Variants in GPSM3 observed in about 807,000 individuals in gnomAD.
GPSM3 encodes G protein signaling modulator 3, also known as G protein-signaling modulator 3.
Under a neutral mutation model 20.4 loss-of-function variants are expected in GPSM3, and 16 were observed. The observed-to-expected ratio is 0.78, with a 90% CI of 0.53 to 1.19. GPSM3 has a LOEUF of 1.19. GPSM3 is among the 50% of genes most tolerant of loss of function. The pLI is 0.00. For synonymous variants in GPSM3, 70 were observed against 79.6 expected (o/e 0.88, Z 0.64); for missense variants, 177 against 204.6 (o/e 0.86, Z 0.82).
At position 32,192,041 on chromosome 6, in the gene GPSM3, G is replaced by T. The variant is rs1787560020; in HGVS notation, c.145+107C>A. The T allele has an allele frequency of 1.6e-6, 2 of 1,250,296 alleles. No individual in the cohort carries two copies. Among genetic ancestry groups the T allele is most frequent in the South Asian group, 2.7e-5 (2 of 74,214 alleles). 77.5% of individuals were successfully genotyped at this position (1,250,296 alleles called of 1,614,324 possible). A position where few individuals can be genotyped will look rare whatever the true frequency, so the allele number is the denominator to read the frequency against. ...AGGGGGTGCAATGGGGAATCCCAAG[G>T]GGAGTCTGGAGGAGGTGGGGAGAGG... On this transcript the variant is annotated intron_variant, in intron 2 of 3. Transcript: ENST00000375040. This position sits in a 1 kb window ranked among gnomAD's most constrained non-coding sequence, Gnocchi z 5.1.
rs765799338 is a variant in GPSM3 at position 32,191,793 on chromosome 6, G to C, written c.261C>G (p.Pro87=). The C allele has an allele frequency of 1.7e-5, 28 of 1,612,398 alleles. No homozygotes were observed. The highest frequency in any genetic ancestry group is 2.4e-5 in the Non-Finnish European group (28 of 1,179,684). ...LEEQRATFYT[P]QNPSSLAPAP... ...CAGGGGCTAGGCTTGAGGGGTTTTGGGGGGTGTAGAAGGTGGCCCTCTGCT... is the reference window on the plus strand; with the variant it reads ...CAGGGGCTAGGCTTGAGGGGTTTTGCGGGGTGTAGAAGGTGGCCCTCTGCT... The change falls in exon 3 of 4, where the codon CCC becomes CCG. Residue 87 remains proline, a synonymous_variant. Coordinates refer to ENST00000375040, the MANE Select transcript of GPSM3 (RefSeq NM_001276501.2). The surrounding 1 kb of genome is among the most constrained non-coding windows in gnomAD (Gnocchi z 5.9).
At position 32,192,244 on chromosome 6, in the gene GPSM3, G is replaced by A. The variant is rs1004293066; in HGVS notation, c.49C>T (p.Pro17Ser). The change falls in exon 2 of 4, where the codon CCT becomes TCT. Residue 17 changes from proline to serine, a missense_variant. Coordinates refer to ENST00000375040, the MANE Select transcript of GPSM3 (RefSeq NM_001276501.2). The surrounding 1 kb of genome is among the most constrained non-coding windows in gnomAD (Gnocchi z 5.1). ...QEEEDGEQGP[P>S]QDEEGWPPPN... ...GGGGGCCAGCCTTCCTCATCCTGAG[G>A]GGGGCCCTGATGCCAAAATATGTCC... 4 of 1,522,394 alleles carry A rather than the reference G, an allele frequency of 2.6e-6. No individual in the cohort carries two copies. Among genetic ancestry groups the A allele is most frequent in the Non-Finnish European group, 3.5e-6 (4 of 1,135,338 alleles). 94.3% of individuals were successfully genotyped at this position (1,522,394 alleles called of 1,614,324 possible). A position where few individuals can be genotyped will look rare whatever the true frequency, so the allele number is the denominator to read the frequency against.
upstream of GPSM3, chr6:32,194,983 G>C (rs1787759812): frequency 4.2e-6 from 1 of 240,006 alleles, no homozygotes; most frequent in Non-Finnish European, 8.1e-6. This position sits in a 1 kb window ranked among gnomAD's most constrained non-coding sequence, Gnocchi z 4.5. Flanking sequence ...ATCAGCGGGG[G>C]TGGCCCTTGG....
In GPSM3 at chr6:32,191,152, G is replaced by C. The variant is rs1787481702; in HGVS notation, c.*214C>G. 1 of 545,846 alleles carries C rather than the reference G, an allele frequency of 1.8e-6. No homozygotes were observed. The highest frequency in any genetic ancestry group is 3.1e-6 in the Non-Finnish European group (1 of 322,830). The allele number at this position is 545,846 out of a possible 1,614,324, so 33.8% of individuals were successfully genotyped here. On this transcript the variant is annotated 3_prime_UTR_variant, in exon 4 of 4. Coordinates refer to ENST00000375040, the MANE Select transcript of GPSM3 (RefSeq NM_001276501.2). The surrounding 1 kb of genome is among the most constrained non-coding windows in gnomAD (Gnocchi z 5.9). ...TCAAGCTCCCATGGACCTGTGGGCG[G>C]GGAGTTAAATCCCTGTTCCATCTCG...
chr6:32,192,375 G>T lies in GPSM3; in HGVS notation c.42+97C>A. On this transcript the variant is annotated intron_variant, in intron 1 of 3. Coordinates refer to ENST00000375040, the MANE Select transcript of GPSM3 (RefSeq NM_001276501.2). The surrounding 1 kb of genome is among the most constrained non-coding windows in gnomAD (Gnocchi z 5.1). Reference sequence around the variant, plus strand: ...TCTGTTCCTGCCTCAGTTTGCCCAAGCCTTTCAAGGCCCCTGTGTCCCTAC... The same window carrying T: ...TCTGTTCCTGCCTCAGTTTGCCCAATCCTTTCAAGGCCCCTGTGTCCCTAC... The T allele has an allele frequency of 7.0e-7, 1 of 1,425,914 alleles. No homozygotes were observed. Among genetic ancestry groups the T allele is most frequent in the Non-Finnish European group, 9.6e-7 (1 of 1,039,934 alleles). 88.3% of individuals were successfully genotyped at this position (1,425,914 alleles called of 1,614,324 possible). A position where few individuals can be genotyped will look rare whatever the true frequency, so the allele number is the denominator to read the frequency against.
chr6:32,195,473 T>C (rs1787805111), upstream of GPSM3: 2 of 1,611,320 alleles, frequency 1.2e-6, no homozygotes, highest in Non-Finnish European at 1.7e-6. The surrounding 1 kb of genome is among the most constrained non-coding windows in gnomAD (Gnocchi z 5.4). Context: ...TTATGGGCAT[T>C]TCTTGGAGGG....
chr6:32,191,503 A>G lies in GPSM3; in HGVS notation c.346T>C (p.Cys116Arg). ...GACCGCTGGGCTTCCATCCGCTGGC[A>G]CTGGAGGAGTGGAGGGAGAGGGAGA... ...QLYSTILSHQ[C>R]QRMEAQRSEP... is the part of the protein sequence containing the mutation. The change falls in exon 4 of 4, where the codon TGC becomes CGC. Residue 116 changes from cysteine (C) to arginine (R), a missense_variant and splice_region_variant. Transcript: ENST00000375040. The surrounding 1 kb of genome is among the most constrained non-coding windows in gnomAD (Gnocchi z 5.9). 6.4e-7 allele frequency: 1 copy of G among 1,556,160 alleles called. No individual in the cohort carries two copies. The highest frequency in any genetic ancestry group is 8.7e-7 in the Non-Finnish European group (1 of 1,153,134).
chr6:32,191,184 C>T lies in GPSM3; in HGVS notation c.*182G>A, dbSNP rs373773951. The T allele has an allele frequency of 5.0e-4, 353 of 703,588 alleles. 8 individuals are homozygous for T. The South Asian group carries it at 7.7e-3, about 15-fold the overall frequency. The allele number at this position is 703,588 out of a possible 1,614,324, so 43.6% of individuals were successfully genotyped here. A position where few individuals can be genotyped will look rare whatever the true frequency, so the allele number is the denominator to read the frequency against. ...AAATCCCTGTTCCATCTCGCCTGTT[C>T]CCAGAGTTTGAGGACTTTCACCCTG... On this transcript the variant is annotated 3_prime_UTR_variant, in exon 4 of 4. Transcript: ENST00000375040. The surrounding 1 kb of genome is among the most constrained non-coding windows in gnomAD (Gnocchi z 5.9).
In GPSM3 at chr6:32,191,414, C is replaced by G. The variant is rs145686781; in HGVS notation, c.435G>C (p.Gly145=). The change falls in exon 4 of 4, where the codon GGG becomes GGC. Residue 145 remains glycine (G), a synonymous_variant. Transcript: ENST00000375040. The surrounding 1 kb of genome is among the most constrained non-coding windows in gnomAD (Gnocchi z 5.9). ...LLELLLRVQG[G]GRMEEQRSRP... Reference sequence around the variant, plus strand: ...GGGACCTTTGCTCCTCCATTCGACCCCCACCCTGAACTCTCAGCAGCAACT... The same window carrying G: ...GGGACCTTTGCTCCTCCATTCGACCGCCACCCTGAACTCTCAGCAGCAACT... The G allele has an allele frequency of 6.3e-7, 1 of 1,593,486 alleles. No homozygotes were observed. Among genetic ancestry groups the G allele is most frequent in the South Asian group, 1.1e-5 (1 of 88,544 alleles).
rs1787521949 is a variant in GPSM3, at chr6:32,191,639, T to C, written c.345+70A>G. ...TGGGGTGCCTAGGGAGAAACAGGAG[T>C]AGAGCCCCAAAGAGAACAGGGGCCA... is the stretch of plus-strand genomic sequence containing the variant. On this transcript the variant is annotated intron_variant, in intron 3 of 3. Transcript: ENST00000375040. The surrounding 1 kb of genome is among the most constrained non-coding windows in gnomAD (Gnocchi z 5.9). 2.0e-6 allele frequency: 3 copies of C among 1,479,384 alleles called. No homozygotes were observed. Among genetic ancestry groups the C allele is most frequent in the South Asian group, 1.3e-5 (1 of 76,784 alleles). 91.6% of individuals were successfully genotyped at this position (1,479,384 alleles called of 1,614,324 possible). A position where few individuals can be genotyped will look rare whatever the true frequency, so the allele number is the denominator to read the frequency against.
At position 32,191,659 on chromosome 6, in the gene GPSM3, GGGCCAAGAGACCAGGA is replaced by G; in HGVS notation, c.345+34_345+49del. On this transcript the variant is annotated intron_variant, in intron 3 of 3. Transcript: ENST00000375040. The surrounding 1 kb of genome is among the most constrained non-coding windows in gnomAD (Gnocchi z 5.9). ...AGGAGTAGAGCCCCAAAGAGAACAG[GGGCCAAGAGACCAGGA>G]GGCCTGGGTTTGCCTCCTGGGGGGA... 6.6e-7 allele frequency: 1 copy of G among 1,520,102 alleles called. No homozygotes were observed. The highest frequency in any genetic ancestry group is 2.3e-5 in the East Asian group (1 of 44,144). 94.2% of individuals were successfully genotyped at this position (1,520,102 alleles called of 1,614,324 possible).
upstream of GPSM3, among the ~76,000 whole-genome samples, chr6:32,194,104 TA>T (rs1787706422): frequency 6.6e-6 from 1 of 152,244 alleles, no homozygotes; most frequent in Admixed American, 6.5e-5. This position sits in a 1 kb window ranked among gnomAD's most constrained non-coding sequence, Gnocchi z 4.5. Context: ...GAATACTTAA[TA>T]AACTGTAGAT....
At chr6:32,195,135 T>C (rs1787769794), upstream of GPSM3, 1 of 437,232 alleles carries the variant, frequency 2.3e-6, no homozygotes, top group Non-Finnish European at 4.1e-6. This position sits in a 1 kb window ranked among gnomAD's most constrained non-coding sequence, Gnocchi z 5.4. Flanking sequence ...TTACATCCCA[T>C]ATGCCTGCAA....
At chr6:32,194,225 C>T (rs934461053), upstream of GPSM3, 1 of 152,118 alleles carries the variant, frequency 6.6e-6, no homozygotes, top group South Asian at 2.1e-4. The surrounding 1 kb of genome is among the most constrained non-coding windows in gnomAD (Gnocchi z 4.5). Flanking sequence ...GACTTGTGGC[C>T]TTAGGAATCT....
At chr6:32,195,195 G>A (rs1227906138), upstream of GPSM3, 1 of 532,150 alleles carries the variant, frequency 1.9e-6, no homozygotes, top group Non-Finnish European at 3.3e-6. This position sits in a 1 kb window ranked among gnomAD's most constrained non-coding sequence, Gnocchi z 5.4. Flanking sequence ...CCCTCCTGTG[G>A]CCTGTCTTAT....
In GPSM3 at chr6:32,191,012, C is replaced by T. The variant is rs893431855; in HGVS notation, c.*354G>A. The T allele has an allele frequency of 2.7e-5, 6 of 222,884 alleles. No homozygotes were observed. Among genetic ancestry groups the T allele is most frequent in the South Asian group, 1.2e-4 (1 of 8,256 alleles). 13.8% of individuals were successfully genotyped at this position (222,884 alleles called of 1,614,324 possible). ...AGGTTATAACCTCTCAGGTGGAGGC[C>T]TGAGCCCTCAGACCCTACTGCCTAG... On this transcript the variant is annotated 3_prime_UTR_variant, in exon 4 of 4. Transcript: ENST00000375040. The surrounding 1 kb of genome is among the most constrained non-coding windows in gnomAD (Gnocchi z 5.9).
Position 32,191,410 on chromosome 6 carries a change from G to A in GPSM3, c.439C>T (p.Arg147Ter), listed in dbSNP as rs1020461589. The A allele has an allele frequency of 6.3e-7, 1 of 1,590,274 alleles. No individual in the cohort carries two copies. Among genetic ancestry groups the A allele is most frequent in the Non-Finnish European group, 8.5e-7 (1 of 1,171,236 alleles). ...ELLLRVQGGGRMEEQRSRPPT... is the reference protein window; with the variant it reads ...ELLLRVQGGG ...GGCCGGGACCTTTGCTCCTCCATTCGACCCCCACCCTGAACTCTCAGCAGC... is the reference window on the plus strand; with the variant it reads ...GGCCGGGACCTTTGCTCCTCCATTCAACCCCCACCCTGAACTCTCAGCAGC... The change falls in exon 4 of 4, where the codon CGA becomes TGA. Residue 147 changes from arginine to a stop codon, truncating the protein, a stop_gained. Transcript: ENST00000375040. LOFTEE classifies it high-confidence loss of function. This position sits in a 1 kb window ranked among gnomAD's most constrained non-coding sequence, Gnocchi z 5.9.
chr6:32,194,673 A>T, upstream of GPSM3: 1 of 185,476 alleles, frequency 5.4e-6, no homozygotes, highest in Non-Finnish European at 1.1e-5. The surrounding 1 kb of genome is among the most constrained non-coding windows in gnomAD (Gnocchi z 4.5). Context: ...TTGCTTTCAG[A>T]TAATACCCTA....
chr6:32,192,243 G>C lies in GPSM3; in HGVS notation c.50C>G (p.Pro17Arg), dbSNP rs754899281. 22 of 1,521,630 alleles carry C rather than the reference G, an allele frequency of 1.4e-5. No homozygotes were observed. Among genetic ancestry groups the C allele is most frequent in the Non-Finnish European group, 1.9e-5 (22 of 1,134,952 alleles). The allele number at this position is 1,521,630 out of a possible 1,614,324, so 94.3% of individuals were successfully genotyped here. Residue 17 changes from proline to arginine, a missense_variant, in exon 2 of 4, where the codon CCT becomes CGT. By Grantham distance (103) the Pro-to-Arg change is moderately radical. Transcript: ENST00000375040. This position sits in a 1 kb window ranked among gnomAD's most constrained non-coding sequence, Gnocchi z 5.1. The stretch of plus-strand genomic sequence containing the variant: ...AGGGGGCCAGCCTTCCTCATCCTGA[G>C]GGGGGCCCTGATGCCAAAATATGTC... ...QEEEDGEQGP[P>R]QDEEGWPPPN... is the part of the protein sequence containing the mutation.
Sources: allele counts gnomAD v4.1 joint callset (sites outside exome capture counted in the v4.1 genomes callset), GRCh38; gene constraint gnomAD v4.1.1; non-coding constraint Gnocchi (gnomAD v3.1); transcripts MANE v1.5; gene names NCBI Gene and HGNC (gene_info 2026-07-23, HGNC 2026-07-21).